Variants in DCPH1 observed in about 807,000 individuals in gnomAD.
The protein encoded by DCPH1 is damage-control phosphatase 1.
the DCPH1 span, among the ~76,000 whole-genome samples, chr6:151,459,118 C>T: frequency 1.1e-4 from 17 of 152,192 alleles, no homozygotes; most frequent in South Asian, 4.2e-4. Context: ...GCCTGAGCAC[C>T]GGAGTGAAAC....
chr6:151,467,076 C>A, the DCPH1 span, among the ~76,000 whole-genome samples: 1 of 151,990 alleles, frequency 6.6e-6, no homozygotes, highest in African/African-American at 2.4e-5. Flanking sequence ...CATGGTAAAA[C>A]CCCATCTCTA....
chr6:151,468,461 T>A, the DCPH1 span: 6 of 1,613,406 alleles, frequency 3.7e-6, no homozygotes, highest in Non-Finnish European at 5.1e-6. Flanking sequence ...TTGAATGATA[T>A]GGAACATCTT....
the DCPH1 span, chr6:151,469,007 A>G: frequency 6.2e-7 from 1 of 1,614,206 alleles, no homozygotes; most frequent in African/African-American, 1.3e-5. Context: ...GCTGAAATTC[A>G]GGTTGGTCTG....
At chr6:151,468,190 G>A in the DCPH1 span, among the ~76,000 whole-genome samples, 1 of 152,110 alleles carries the variant, frequency 6.6e-6, no homozygotes, top group Non-Finnish European at 1.5e-5. Context: ...TAATTTTTGT[G>A]CATTGTTAGA....
chr6:151,454,634 T>A, the DCPH1 span: 1 of 1,551,522 alleles, frequency 6.4e-7, no homozygotes, highest in South Asian at 1.2e-5. Context: ...AAAAGTGAAT[T>A]TTTTGAGAAA....
the DCPH1 span, among the ~76,000 whole-genome samples, chr6:151,459,189 C>A: frequency 6.6e-6 from 1 of 151,988 alleles, no homozygotes; most frequent in African/African-American, 2.4e-5. Flanking sequence ...ACAAAGACTT[C>A]TAGAATAAAA....
the DCPH1 span, chr6:151,454,739 A>G: frequency 1.5e-6 from 1 of 651,848 alleles, no homozygotes; most frequent in Non-Finnish European, 2.7e-6. Context: ...ATTTTCCTTT[A>G]AATGTAAAAA....
the DCPH1 span, among the ~76,000 whole-genome samples, chr6:151,461,461 A>G: frequency 3.9e-5 from 6 of 152,194 alleles, no homozygotes; most frequent in African/African-American, 1.4e-4. Context: ...TCCCGAGGTC[A>G]GGAGTGTGAG....
the DCPH1 span, chr6:151,468,485 G>A: frequency 9.9e-6 from 16 of 1,613,644 alleles, no homozygotes; most frequent in South Asian, 1.6e-4. Context: ...TCATTGCTTA[G>A]CAATTGCAAG....
the DCPH1 span, chr6:151,469,543 GA>G: frequency 6.5e-6 from 1 of 154,100 alleles, no homozygotes; most frequent in African/African-American, 2.4e-5. Context: ...TTGGGCACAT[GA>G]AATAATAGCT....
chr6:151,467,312 A>G, the DCPH1 span, among the ~76,000 whole-genome samples: 2 of 151,844 alleles, frequency 1.3e-5, no homozygotes, highest in Middle Eastern at 6.8e-3. Flanking sequence ...TAAATCACAA[A>G]TGAGGGCCTG....
the DCPH1 span, chr6:151,458,698 A>G: frequency 1.4e-6 from 1 of 699,660 alleles, no homozygotes; most frequent in East Asian, 2.8e-5. Context: ...GCAAATCTTA[A>G]TAGCATTGTT....
At chr6:151,455,439 T>G in the DCPH1 span, among the ~76,000 whole-genome samples, 49 of 152,342 alleles carry the variant, frequency 3.2e-4, no homozygotes, top group Non-Finnish European at 6.2e-4. Context: ...CACAAGACAA[T>G]TGTGGGGAGA....
chr6:151,468,454 A>G, the DCPH1 span: 1 of 1,612,604 alleles, frequency 6.2e-7, no homozygotes, highest in Non-Finnish European at 8.5e-7. Flanking sequence ...CATTTTATTG[A>G]ATGATATGGA....
At chr6:151,468,266 C>T in the DCPH1 span, 2,295 of 929,598 alleles carry the variant, frequency 2.5e-3, 5 homozygotes, top group Non-Finnish European at 2.9e-3. Context: ...TAGCAATGTC[C>T]CCCCATCCCG....
the DCPH1 span, among the ~76,000 whole-genome samples, chr6:151,464,973 T>G: frequency 6.6e-6 from 1 of 152,176 alleles, no homozygotes; most frequent in African/African-American, 2.4e-5. Context: ...TAATTTGTGT[T>G]TGGACCTGAG....
At chr6:151,461,688 A>G in the DCPH1 span, among the ~76,000 whole-genome samples, 6 of 152,150 alleles carry the variant, frequency 3.9e-5, no homozygotes, top group Non-Finnish European at 8.8e-5. Context: ...AACACCACAT[A>G]GTTTTAGATT....
chr6:151,467,164 A>C, the DCPH1 span, among the ~76,000 whole-genome samples: 1 of 151,982 alleles, frequency 6.6e-6, no homozygotes, highest in Non-Finnish European at 1.5e-5. Context: ...AGGCAGGAGA[A>C]AAGCTTGAAC....
chr6:151,467,841 C>T, the DCPH1 span, among the ~76,000 whole-genome samples: 7 of 152,158 alleles, frequency 4.6e-5, no homozygotes, highest in African/African-American at 1.7e-4. Context: ...TTAGATATCA[C>T]TTTGTTCAGT....
Sources: allele counts gnomAD v4.1 joint callset (sites outside exome capture counted in the v4.1 genomes callset), GRCh38; gene constraint gnomAD v4.1.1; transcripts MANE v1.5; gene names NCBI Gene and HGNC (gene_info 2026-07-23, HGNC 2026-07-21).